MTHFD1L: variants seen among roughly 807,000 people sequenced by gnomAD.
MTHFD1L encodes the protein methylenetetrahydrofolate dehydrogenase (NADP+ dependent) 1 like, also known as monofunctional C1-tetrahydrofolate synthase, mitochondrial.
MTHFD1L carries 81 observed loss-of-function variants against 119.5 expected under a neutral mutation model. That is an observed-to-expected ratio of 0.68 (90% CI 0.57 to 0.82). MTHFD1L has a LOEUF of 0.82. Among genes scored for constraint, MTHFD1L ranks in the 40% least tolerant of loss-of-function variants. MTHFD1L has a pLI of 0.00. For missense variants in MTHFD1L, 1,125 were observed against 1,253.4 expected, an observed-to-expected ratio of 0.90 and a Z score of 1.55; for synonymous variants, 430 against 475.2, an observed-to-expected ratio of 0.90 and a Z score of 1.24.
At position 150,905,679 on chromosome 6, in the gene MTHFD1L, C is replaced by T. The variant is rs1210752392; in HGVS notation, c.810C>T (p.Gly270=). The T allele has an allele frequency of 1.2e-6, 2 of 1,613,968 alleles. No individual in the cohort carries two copies. The highest frequency in any genetic ancestry group is 1.1e-5 in the South Asian group (1 of 91,082). Residue 270 remains glycine, a synonymous_variant, in exon 8 of 28, where the codon GGC becomes GGT. Coordinates refer to ENST00000367321, the MANE Select transcript of MTHFD1L (RefSeq NM_015440.5). ...KLHEADIVVL[G]SPKPEEIPLT... ...ACGAGGCTGACATTGTGGTCCTAGG[C>T]TCACCTAAGCCAGAAGAGATTCCCC...
chr6:150,993,448 G>A (rs1779326382), intron 20 of MTHFD1L, among the ~76,000 whole-genome samples: 1 of 151,856 alleles, frequency 6.6e-6, no homozygotes, highest in South Asian at 2.1e-4. Context: ...AGCCTCTCAA[G>A]CTACAGGCAC....
At chr6:151,087,086 C>T (rs1793876084) in intron 26 of MTHFD1L, among the ~76,000 whole-genome samples, 1 of 151,668 alleles carries the variant, frequency 6.6e-6, no homozygotes, top group South Asian at 2.1e-4. Flanking sequence ...TTGTCTCTAC[C>T]AAAAATACAA....
At chr6:151,004,520 C>T (rs1450399523) in intron 20 of MTHFD1L, among the ~76,000 whole-genome samples, 4 of 152,150 alleles carry the variant, frequency 2.6e-5, no homozygotes, top group Non-Finnish European at 4.4e-5. Context: ...ATCATTGTTT[C>T]TGCTTAATTT....
In MTHFD1L at chr6:151,061,919, C is replaced by T. The variant is rs76303635; in HGVS notation, c.2847+24802C>T. On this transcript the variant is annotated intron_variant, in intron 26 of 27. Transcript: ENST00000367321. ...AGACTGCCTCACAAAATGACAAAGTCAGGCATTGTTCATAAAAGAACAAAA... is the reference window on the plus strand; with the variant it reads ...AGACTGCCTCACAAAATGACAAAGTTAGGCATTGTTCATAAAAGAACAAAA... 8.5e-3 allele frequency among the ~76,000 whole-genome samples: 1,293 copies of T among 152,282 alleles called. 41 individuals carry two copies. The South Asian group carries it at 0.1, about 12-fold the overall frequency.
At chr6:150,975,109 A>T (rs558099705) in intron 20 of MTHFD1L, among the ~76,000 whole-genome samples, 90 of 152,320 alleles carry the variant, frequency 5.9e-4, no homozygotes, top group African/African-American at 2.1e-3. Context: ...TTATCCACTC[A>T]TCCTACATTG....
rs576234077 is a variant in MTHFD1L at position 150,932,509 on chromosome 6, C to T, written c.1257-4295C>T. Among the ~76,000 whole-genome samples, 27 of 152,180 alleles carry T rather than the reference C, an allele frequency of 1.8e-4. No individual in the cohort carries two copies. In the East Asian group the frequency reaches 4.4e-3, roughly 25 times the overall value. On this transcript the variant is annotated intron_variant, in intron 11 of 27. Coordinates refer to ENST00000367321, the MANE Select transcript of MTHFD1L (RefSeq NM_015440.5). ...TTAGAGGGCTGGGCGTGGTGGCTCA[C>T]GCCTGTAATCCCAGCACTTTGGGAG... is the stretch of plus-strand genomic sequence containing the variant.
At chr6:151,025,075 T>G (rs1201463931) in intron 24 of MTHFD1L, among the ~76,000 whole-genome samples, 1 of 152,244 alleles carries the variant, frequency 6.6e-6, no homozygotes, top group African/African-American at 2.4e-5. Flanking sequence ...TCTTACTATT[T>G]CATGTGGAGA....
chr6:150,998,995 A>AAAAAAAAATGTATAT (rs986639098), intron 20 of MTHFD1L, among the ~76,000 whole-genome samples: 7 of 143,584 alleles, frequency 4.9e-5, no homozygotes, highest in African/African-American at 1.0e-4. Flanking sequence ...GTCTTAAAAA[A>AAAAAAAAATGTATAT]ATATATATAC....
chr6:150,996,073 G>T (rs1410152092), intron 20 of MTHFD1L, among the ~76,000 whole-genome samples: 1 of 152,214 alleles, frequency 6.6e-6, no homozygotes, highest in Non-Finnish European at 1.5e-5. Context: ...GTAGTTTGAG[G>T]TTTTATCAAA....
chr6:151,016,334 C>CT (rs138675772), intron 24 of MTHFD1L, among the ~76,000 whole-genome samples: 5,756 of 145,470 alleles, frequency 0.04, 401 homozygotes, highest in African/African-American at 0.13. Context: ...GTTCATTTCT[C>CT]TTTTTTTTTT....
chr6:151,066,886 C>T (rs1421359971), intron 26 of MTHFD1L, among the ~76,000 whole-genome samples: 2 of 152,136 alleles, frequency 1.3e-5, no homozygotes, highest in South Asian at 2.1e-4. Flanking sequence ...ATCTTATTCC[C>T]ACAAAATTCC....
chr6:151,046,869 A>G, intron 26 of MTHFD1L, among the ~76,000 whole-genome samples: 1 of 152,200 alleles, frequency 6.6e-6, no homozygotes, highest in East Asian at 1.9e-4. Flanking sequence ...GGAAGCCTGA[A>G]TAAAAAGAGA....
chr6:150,971,962 G>A lies in MTHFD1L; in HGVS notation c.2029G>A (p.Val677Met), dbSNP rs754369611. 2.5e-6 allele frequency: 4 copies of A among 1,613,990 alleles called. No individual in the cohort carries two copies. The highest frequency in any genetic ancestry group is 2.5e-6 in the Non-Finnish European group (3 of 1,179,962). ...MQTLEGTPVF[V>M]HAGPFANIAH... ...ACTTCTCTAGGGGACACCTGTGTTC[G>A]TGCATGCGGGCCCTTTTGCTAACAT... Residue 677 changes from valine (V) to methionine (M), a missense_variant, in exon 20 of 28, where the codon GTG (valine) becomes ATG (methionine). By Grantham distance (21) the Val-to-Met change is conservative. Around this residue, in one of 3 missense-constraint regions of MTHFD1L, gnomAD observed 1,058 missense variants for 1,151.2 expected, o/e 0.92. Transcript: ENST00000367321.
At chr6:150,965,864 G>C (rs962645050) in intron 19 of MTHFD1L, among the ~76,000 whole-genome samples, 1 of 152,156 alleles carries the variant, frequency 6.6e-6, no homozygotes, top group Non-Finnish European at 1.5e-5. Flanking sequence ...CCAAAGGCAA[G>C]TCAATAAACA....
chr6:150,947,092 A>G (rs1048290720), intron 15 of MTHFD1L, among the ~76,000 whole-genome samples: 1 of 148,126 alleles, frequency 6.8e-6, no homozygotes, highest in African/African-American at 2.5e-5. Context: ...AAAAAAAAAA[A>G]AGAAAAATCA....
intron 10 of MTHFD1L, among the ~76,000 whole-genome samples, chr6:150,922,645 CCCT>C (rs1411637797): frequency 3.1e-4 from 23 of 75,368 alleles, no homozygotes; most frequent in Admixed American, 3.0e-3. Context: ...TCCCCCCCCA[CCCT>C]TTTTTTTTTT....
Position 150,990,737 on chromosome 6 carries a change from C to T in MTHFD1L, c.2125+18679C>T, listed in dbSNP as rs1778962442. ...TTGGCCTTCCAACGTGCTGGGATTA[C>T]AGGCATGAGCCACTGCACCTGGCCA... On this transcript the variant is annotated intron_variant, in intron 20 of 27. Coordinates refer to ENST00000367321, the MANE Select transcript of MTHFD1L (RefSeq NM_015440.5). Among the ~76,000 whole-genome samples the T allele has an allele frequency of 3.3e-5, 5 of 152,240 alleles. No individual in the cohort carries two copies. In the South Asian group the frequency reaches 1.0e-3, roughly 31 times the overall value.
chr6:150,964,298 C>T (rs917613571), intron 18 of MTHFD1L, among the ~76,000 whole-genome samples: 3 of 152,160 alleles, frequency 2.0e-5, no homozygotes, highest in Non-Finnish European at 4.4e-5. Context: ...TTTCTTCATC[C>T]AGGAACAGAG....
At chr6:151,053,122 G>A (rs891289447) in intron 26 of MTHFD1L, among the ~76,000 whole-genome samples, 6 of 152,206 alleles carry the variant, frequency 3.9e-5, no homozygotes, top group Non-Finnish European at 8.8e-5. Flanking sequence ...TTCTCTGTTT[G>A]AGATACCATG....
Sources: allele counts gnomAD v4.1 joint callset (sites outside exome capture counted in the v4.1 genomes callset), GRCh38; gene constraint gnomAD v4.1.1; regional missense constraint gnomAD v4.1.1; transcripts MANE v1.5; gene names NCBI Gene and HGNC (gene_info 2026-07-23, HGNC 2026-07-21).